H2BC18: variants seen among roughly 807,000 people sequenced by gnomAD.
H2BC18 encodes histone H2B type 2-F.
H2BC18 carries 8 observed loss-of-function variants against 6.3 expected under a neutral mutation model. The ratio of observed to expected loss-of-function variants is 1.28; its 90% CI spans 0.75 to 2.31. The LOEUF is 2.31. Ranked by LOEUF, H2BC18 falls within the 30% of genes most tolerant of loss-of-function variation. H2BC18 has a pLI of 0.00. For missense variants in H2BC18, 106 were observed against 174.5 expected, an observed-to-expected ratio of 0.61 and a Z score of 2.21; for synonymous variants, 104 against 78.1, an observed-to-expected ratio of 1.33 and a Z score of -1.75.
At chr1:149,800,259 C>T (rs2091852252) in intron 1 of H2BC18, among the ~76,000 whole-genome samples, 1 of 152,220 alleles carries the variant, frequency 6.6e-6, no homozygotes, top group African/African-American at 2.4e-5. Flanking sequence ...CTTCAGGAAC[C>T]TCTACATGTT....
chr1:149,802,046 A>G (rs1358178548), intron 1 of H2BC18, among the ~76,000 whole-genome samples: 3 of 152,172 alleles, frequency 2.0e-5, no homozygotes, highest in Non-Finnish European at 4.4e-5. Flanking sequence ...TTCAAGTTTT[A>G]CTTGGTTAAC....
chr1:149,812,163 C>G lies in H2BC18; in HGVS notation c.161G>C (p.Gly54Ala). ...GATGCCCATGGCCTTGGACGAGATG[C>G]CGGTGTCGGGGTGGACCTGCTTCAG... ...KVLKQVHPDT[G>A]ISSKAMGIMN... is the part of the protein sequence containing the mutation. Residue 54 changes from glycine to alanine, a missense_variant, in exon 1 of 1, where the codon GGC becomes GCC. By Grantham distance (60) the Gly-to-Ala change is moderately conservative (BLOSUM62 0). Transcript: ENST00000369167. 1.2e-6 allele frequency: 2 copies of G among 1,614,262 alleles called. No homozygotes were observed. Among genetic ancestry groups the G allele is most frequent in the Non-Finnish European group, 1.7e-6 (2 of 1,180,048 alleles).
rs139776319 is a variant in H2BC18, at chr1:149,812,331, C to G, written c.-8G>C. 1.9e-5 allele frequency: 31 copies of G among 1,612,316 alleles called. No individual in the cohort carries two copies. Among genetic ancestry groups the G allele is most frequent in the Non-Finnish European group, 2.5e-5 (30 of 1,179,594 alleles). Reference sequence around the variant, plus strand: ...TTTCGCTGGATCCGGCATTTTTGCGCGAAAAAAGAGAAAAGAGACTTAAAG... The same window carrying G: ...TTTCGCTGGATCCGGCATTTTTGCGGGAAAAAAGAGAAAAGAGACTTAAAG... On this transcript the variant is annotated 5_prime_UTR_variant, in exon 1 of 1. Transcript: ENST00000369167.
chr1:149,794,120 C>G (rs587668601), intron 1 of H2BC18: 1 of 453,298 alleles, frequency 2.2e-6, no homozygotes, highest in African/African-American at 2.0e-5. Context: ...GCAAAGAGAC[C>G]AGTTAGGAGT....
intron 1 of H2BC18, chr1:149,793,144 G>C (rs1428236406): frequency 7.1e-6 from 9 of 1,275,964 alleles, no homozygotes; most frequent in African/African-American, 3.2e-5. Flanking sequence ...AGCCTCCGCG[G>C]AGAGGAGGAT....
At chr1:149,800,313 G>A (rs10888464) in intron 1 of H2BC18, among the ~76,000 whole-genome samples, 23,141 of 152,194 alleles carry the variant, frequency 0.15, 1,848 homozygotes, top group African/African-American at 0.22. Context: ...TTGGGTCTTT[G>A]TATGGAGGCT....
chr1:149,788,621 T>C (rs2102049171), intron 1 of H2BC18: 1 of 1,613,976 alleles, frequency 6.2e-7, no homozygotes, highest in African/African-American at 1.3e-5. Context: ...GTGAAAGGTA[T>C]TGTATTGGAA....
chr1:149,807,515 G>GT, downstream of H2BC18, among the ~76,000 whole-genome samples: 1 of 73,288 alleles, frequency 1.4e-5, no homozygotes, highest in Non-Finnish European at 2.8e-5. Flanking sequence ...GCATGGCGGG[G>GT]GGGGGGGGGG....
intron 1 of H2BC18, among the ~76,000 whole-genome samples, chr1:149,801,189 T>C (rs1337754889): frequency 1.3e-5 from 2 of 152,042 alleles, no homozygotes; most frequent in African/African-American, 4.8e-5. Flanking sequence ...CAAGACCAAC[T>C]TTTGTCTCCT....
intron 1 of H2BC18, chr1:149,787,349 C>T (rs2091579724): frequency 1.3e-5 from 2 of 152,146 alleles, no homozygotes; most frequent in South Asian, 4.1e-4. Flanking sequence ...AAACCAACTG[C>T]CTCTGGAGAA....
downstream of H2BC18, among the ~76,000 whole-genome samples, chr1:149,807,328 AC>A (rs200998284): frequency 4.4e-4 from 67 of 151,676 alleles, no homozygotes; most frequent in African/African-American, 1.5e-3. Context: ...CTCTACAAAA[AC>A]AAAAACTCTA....
At chr1:149,791,717 G>A in intron 1 of H2BC18, 1 of 659,060 alleles carries the variant, frequency 1.5e-6, no homozygotes, top group Non-Finnish European at 2.6e-6. Flanking sequence ...TTGAAATGAG[G>A]CCTACTCTAA....
downstream of H2BC18, among the ~76,000 whole-genome samples, chr1:149,808,272 C>A (rs7550568): frequency 6.6e-6 from 1 of 152,202 alleles, no homozygotes; most frequent in Non-Finnish European, 1.5e-5. Flanking sequence ...TCCAGTTGAA[C>A]CTTATGGACT....
chr1:149,802,634 C>T (rs1191026239), intron 1 of H2BC18, among the ~76,000 whole-genome samples: 9 of 152,218 alleles, frequency 5.9e-5, no homozygotes, highest in Admixed American at 3.9e-4. Context: ...TACAGTGGGC[C>T]GTCTGCAAGC....
At chr1:149,790,796 T>A (rs1346411036) in intron 1 of H2BC18, among the ~76,000 whole-genome samples, 1 of 150,520 alleles carries the variant, frequency 6.6e-6, no homozygotes, top group Non-Finnish European at 1.5e-5. Flanking sequence ...AGTTCTTGCT[T>A]CAAGGAGCTC....
rs1406904 is a variant in H2BC18 at position 149,786,122 on chromosome 1, T to C, written c.378-2862A>G. On this transcript the variant is annotated intron_variant, in intron 1 of 1. Coordinates refer to the H2BC18 transcript ENST00000545683. Reference sequence around the variant, plus strand: ...AATATTTTCTACCATTACTAATGTTTGACAGTATCTGATGGAGGTATGTTA... The same window carrying C: ...AATATTTTCTACCATTACTAATGTTCGACAGTATCTGATGGAGGTATGTTA... The C allele has an allele frequency of 5.3e-3, 803 of 151,466 alleles. 23 individuals are homozygous for C. The South Asian group carries it at 0.069, about 13-fold the overall frequency. The allele number at this position is 151,466 out of a possible 1,614,324, so 9.4% of individuals were successfully genotyped here.
chr1:149,807,589 T>G (rs2091931967), downstream of H2BC18, among the ~76,000 whole-genome samples: 1 of 140,940 alleles, frequency 7.1e-6, no homozygotes, highest in African/African-American at 2.7e-5. Context: ...GCAGATCACC[T>G]GAGGTTGGGA....
chr1:149,797,073 C>T lies in H2BC18; in HGVS notation c.378-13813G>A, dbSNP rs1422485095. Among the ~76,000 whole-genome samples the T allele has an allele frequency of 4.6e-5, 7 of 152,126 alleles. 1 individual carries two copies. Among genetic ancestry groups the T allele is most frequent in the Admixed American group, 3.3e-4 (5 of 15,272 alleles). On this transcript the variant is annotated intron_variant, in intron 1 of 1. Transcript: ENST00000545683. ...AATTATAGGCACACGCCACCACACCCGGCTAATTTTTGTATTTTTAGTAGA... is the reference window on the plus strand; with the variant it reads ...AATTATAGGCACACGCCACCACACCTGGCTAATTTTTGTATTTTTAGTAGA...
At chr1:149,789,409 A>AATAATAATAATAATAATC (rs1343281751) in intron 1 of H2BC18, among the ~76,000 whole-genome samples, 1 of 149,612 alleles carries the variant, frequency 6.7e-6, no homozygotes, top group African/African-American at 2.6e-5. Context: ...TAATAATAAT[A>AATAATAATAATAATAATC]ATAATAATAA....
Sources: allele counts gnomAD v4.1 joint callset (sites outside exome capture counted in the v4.1 genomes callset), GRCh38; gene constraint gnomAD v4.1.1; transcripts MANE v1.5; gene names NCBI Gene and HGNC (gene_info 2026-07-23, HGNC 2026-07-21).